The following MEI4 variants were observed in gnomAD, a reference collection of about 807,000 sequenced individuals.
The protein encoded by MEI4 is meiosis-specific protein MEI4.
A neutral mutation model predicts 31.4 loss-of-function variants in MEI4; 27 were observed. The observed-to-expected ratio is 0.86, with a 90% confidence interval of 0.63 to 1.19. MEI4 has a LOEUF of 1.19. Among genes scored for constraint, MEI4 ranks in the 50% most tolerant of loss-of-function variants. The pLI is 0.00. For synonymous variants in MEI4, 122 were observed against 145.4 expected (o/e 0.84, Z 1.16); for missense variants, 329 against 398.9 (o/e 0.82, Z 1.49).
At chr6:77,785,236 T>C (rs866540962) in intron 3 of MEI4, among the ~76,000 whole-genome samples, 2 of 152,286 alleles carry the variant, frequency 1.3e-5, no homozygotes, top group African/African-American at 4.8e-5. Flanking sequence ...TGTAAAACTT[T>C]ATGCAAATAC....
intron 2 of MEI4, among the ~76,000 whole-genome samples, chr6:77,733,930 G>C (rs370044982): frequency 6.6e-6 from 1 of 152,208 alleles, no homozygotes; most frequent in African/African-American, 2.4e-5. Context: ...CCATGTAGTT[G>C]AGTGGTTTTG....
At chr6:77,689,538 T>TA (rs1356580959) in intron 1 of MEI4, among the ~76,000 whole-genome samples, 1 of 152,016 alleles carries the variant, frequency 6.6e-6, no homozygotes, top group Non-Finnish European at 1.5e-5. Context: ...GAGAAAATTT[T>TA]ATATGTTGGT....
intron 3 of MEI4, 148 bp from the exon 4 acceptor site, chr6:77,828,783 G>A: frequency 2.0e-6 from 1 of 490,508 alleles, no homozygotes; most frequent in East Asian, 3.6e-5. Context: ...TATAATTTGT[G>A]TATTTTATGG....
intron 2 of MEI4, among the ~76,000 whole-genome samples, chr6:77,717,825 A>G (rs1235609172): frequency 3.2e-5 from 4 of 125,216 alleles, no homozygotes; most frequent in Non-Finnish European, 5.2e-5. Context: ...TTCTTAGTAC[A>G]TAACAAAATG....
At position 77,761,537 on chromosome 6, in the gene MEI4, G is replaced by C; in HGVS notation, c.640G>C (p.Gly214Arg). The change falls in exon 3 of 5, where the codon GGT becomes CGT. Residue 214 changes from glycine (G) to arginine (R), a missense_variant. By Grantham distance (125) the Gly-to-Arg change is moderately radical (BLOSUM62 -2). Coordinates refer to ENST00000684080, the MANE Select transcript of MEI4 (RefSeq NM_001322247.2). ...TTCAAGATTTTGGACAGAAGCTGTT[G>C]GTACTTTAGCTAGTCTGATCAGTGA... ...PFSRFWTEAV[G>R]TLASLISDYN... The C allele has an allele frequency of 8.1e-7, 1 of 1,231,998 alleles. No homozygotes were observed. Among genetic ancestry groups the C allele is most frequent in the Non-Finnish European group, 1.0e-6 (1 of 987,906 alleles). 76.3% of individuals were successfully genotyped at this position (1,231,998 alleles called of 1,614,324 possible).
intron 1 of MEI4, among the ~76,000 whole-genome samples, chr6:77,654,449 C>A (rs775004065): frequency 6.6e-6 from 1 of 151,068 alleles, no homozygotes; most frequent in Non-Finnish European, 1.5e-5. Flanking sequence ...TATGGTACTG[C>A]CATTTTGGTT....
intron 2 of MEI4, among the ~76,000 whole-genome samples, chr6:77,694,874 C>A (rs1489663173): frequency 6.6e-6 from 1 of 151,000 alleles, no homozygotes; most frequent in Non-Finnish European, 1.5e-5. Flanking sequence ...TTTACAGTCC[C>A]ACCAACAGTG....
At chr6:77,792,198 A>G (rs1768955332) in intron 3 of MEI4, among the ~76,000 whole-genome samples, 2 of 152,208 alleles carry the variant, frequency 1.3e-5, no homozygotes, top group African/African-American at 4.8e-5. Flanking sequence ...TAAAGAAAGT[A>G]TTGATGGACA....
intron 4 of MEI4, among the ~76,000 whole-genome samples, chr6:77,879,004 A>AT (rs1336528268): frequency 6.6e-6 from 1 of 152,044 alleles, no homozygotes; most frequent in Non-Finnish European, 1.5e-5. Flanking sequence ...TCAGAATCCA[A>AT]TTTTTTTCAA....
intron 4 of MEI4, among the ~76,000 whole-genome samples, chr6:77,858,864 G>GAA (rs373789260): frequency 6.8e-6 from 1 of 147,172 alleles, no homozygotes; most frequent in Admixed American, 6.8e-5. Flanking sequence ...ACCTTTAATG[G>GAA]AAAAAAAATA....
intron 3 of MEI4, among the ~76,000 whole-genome samples, chr6:77,800,963 TG>T (rs1769238837): frequency 6.6e-6 from 1 of 152,178 alleles, no homozygotes; most frequent in Non-Finnish European, 1.5e-5. Flanking sequence ...CTTTTTTGGT[TG>T]TGTCTCTGCC....
At chr6:77,853,200 A>G (rs1164192003) in intron 4 of MEI4, among the ~76,000 whole-genome samples, 2 of 152,208 alleles carry the variant, frequency 1.3e-5, no homozygotes, top group East Asian at 1.9e-4. Context: ...TCCACCTCAA[A>G]AAACAAACAA....
At chr6:77,812,915 A>T (rs898769602) in intron 3 of MEI4, among the ~76,000 whole-genome samples, 1 of 152,126 alleles carries the variant, frequency 6.6e-6, no homozygotes, top group Admixed American at 6.6e-5. Context: ...AGGTTATTTA[A>T]ATAATTTTAG....
At chr6:77,701,549 T>C (rs73762815) in intron 2 of MEI4, among the ~76,000 whole-genome samples, 3,448 of 152,092 alleles carry the variant, frequency 0.023, 134 homozygotes, top group African/African-American at 0.078. Flanking sequence ...CTTTAAGTAG[T>C]TAATATATTC....
rs147381462 is a variant in MEI4 at position 77,793,630 on chromosome 6, AT to A, written c.768+31966del. Among the ~76,000 whole-genome samples the A allele has an allele frequency of 1.5e-3, 228 of 152,330 alleles. 6 individuals are homozygous for A. In the East Asian group the frequency reaches 0.042, roughly 28 times the overall value. On this transcript the variant is annotated intron_variant, in intron 3 of 4. Transcript: ENST00000684080. Reference sequence around the variant, plus strand: ...TGAAATAGTGTAAAGTGTGATATCAATAGCATGTTATTGGTGGAAGAGAGGA... The same window carrying A: ...TGAAATAGTGTAAAGTGTGATATCAAAGCATGTTATTGGTGGAAGAGAGGA...
chr6:77,898,065 A>G (rs1456629842), intron 4 of MEI4, among the ~76,000 whole-genome samples: 1 of 151,584 alleles, frequency 6.6e-6, no homozygotes, highest in Non-Finnish European at 1.5e-5. Context: ...TGATTTTTTG[A>G]CTCTGTTCTT....
chr6:77,749,710 G>A (rs1375327302), intron 2 of MEI4, among the ~76,000 whole-genome samples: 1 of 152,164 alleles, frequency 6.6e-6, no homozygotes, highest in African/African-American at 2.4e-5. Context: ...CTATTAGCCA[G>A]GAGAACTTCC....
chr6:77,666,857 CTGTGTG>C (rs754710415), intron 1 of MEI4, among the ~76,000 whole-genome samples: 16 of 148,228 alleles, frequency 1.1e-4, no homozygotes, highest in African/African-American at 1.3e-4. Flanking sequence ...CTACATGCCT[CTGTGTG>C]TGTGTGTGTG....
intron 1 of MEI4, among the ~76,000 whole-genome samples, chr6:77,674,225 G>A (rs934069372): frequency 2.6e-5 from 4 of 152,092 alleles, no homozygotes; most frequent in African/African-American, 9.7e-5. Flanking sequence ...TTAGGCCCTT[G>A]TTTTTAAGTC....
Sources: allele counts gnomAD v4.1 joint callset (sites outside exome capture counted in the v4.1 genomes callset), GRCh38; gene constraint gnomAD v4.1.1; transcripts MANE v1.5; gene names NCBI Gene and HGNC (gene_info 2026-07-23, HGNC 2026-07-21).